The following COL19A1 variants were observed in gnomAD, a reference collection of about 807,000 sequenced individuals.
COL19A1 encodes collagen alpha-1(XIX) chain.
A neutral mutation model predicts 190.2 loss-of-function variants in COL19A1; 159 were observed. The observed-to-expected ratio is 0.84, with a 90% CI of 0.73 to 0.95. The LOEUF (loss-of-function observed/expected upper bound fraction) is 0.95. Ranked by LOEUF, COL19A1 falls within the 40% of genes least tolerant of loss-of-function variation. The probability of loss-of-function intolerance (pLI) is 0.00; values close to 1 mark genes in which losing one functional copy is unlikely to be tolerated. For missense variants in COL19A1, 1,418 were observed against 1,431.9 expected, an observed-to-expected ratio of 0.99 and a Z score of 0.16; for synonymous variants, 509 against 458.9, an observed-to-expected ratio of 1.11 and a Z score of -1.39.
intron 11 of COL19A1, among the ~76,000 whole-genome samples, chr6:69,999,676 A>G (rs1290839758): frequency 6.6e-6 from 1 of 152,198 alleles, no homozygotes; most frequent in African/African-American, 2.4e-5. Context: ...GGGTCAATAT[A>G]AAGCATTCTA....
chr6:69,976,420 C>A (rs1308497564), intron 11 of COL19A1, among the ~76,000 whole-genome samples: 1 of 151,990 alleles, frequency 6.6e-6, no homozygotes, highest in Non-Finnish European at 1.5e-5. Flanking sequence ...CATTTAGGAC[C>A]CATTTTTTAC....
chr6:69,957,101 T>C (rs1774467707), intron 9 of COL19A1, among the ~76,000 whole-genome samples: 1 of 152,104 alleles, frequency 6.6e-6, no homozygotes, highest in South Asian at 2.1e-4. Flanking sequence ...CTAGGGAATG[T>C]GATTTTTTTT....
At chr6:70,053,871 C>T (rs1780350798) in intron 14 of COL19A1, among the ~76,000 whole-genome samples, 1 of 152,054 alleles carries the variant, frequency 6.6e-6, no homozygotes, top group Admixed American at 6.5e-5. Context: ...ATTGTTAATT[C>T]TTAATTCATA....
chr6:69,871,650 C>T (rs1477935619), intron 1 of COL19A1, among the ~76,000 whole-genome samples: 1 of 151,982 alleles, frequency 6.6e-6, no homozygotes, highest in Non-Finnish European at 1.5e-5. Flanking sequence ...ACACTCTGAC[C>T]TTTTACCTAA....
chr6:70,190,500 C>A, intron 48 of COL19A1, 119 bp downstream of exon 48: 3 of 670,606 alleles, frequency 4.5e-6, no homozygotes, highest in South Asian at 3.8e-5. Flanking sequence ...CCTTAAGGGG[C>A]AGCCCATTTT....
At chr6:69,948,278 C>T (rs1386913836) in intron 9 of COL19A1, among the ~76,000 whole-genome samples, 6 of 151,800 alleles carry the variant, frequency 4.0e-5, no homozygotes, top group East Asian at 1.9e-4. Context: ...TGGGATGTAA[C>T]GTGAGACTTA....
chr6:69,938,560 G>A (rs1773259801), intron 9 of COL19A1, among the ~76,000 whole-genome samples: 1 of 151,826 alleles, frequency 6.6e-6, no homozygotes, highest in Non-Finnish European at 1.5e-5. Context: ...GCTTGGTGTT[G>A]TAGAGCACAT....
At chr6:69,897,961 GATAC>G (rs2149969856) in intron 2 of COL19A1, among the ~76,000 whole-genome samples, 2 of 152,200 alleles carry the variant, frequency 1.3e-5, no homozygotes, top group South Asian at 4.1e-4. Flanking sequence ...ATATTAAGAT[GATAC>G]CCTCTCACCA....
intron 7 of COL19A1, 56 bp downstream of exon 7, chr6:69,932,919 G>A: frequency 8.2e-7 from 1 of 1,216,456 alleles, no homozygotes; most frequent in Non-Finnish European, 1.2e-6. Context: ...TCTTTTAGTG[G>A]CATAGTTTGT....
chr6:69,937,989 G>C, intron 8 of COL19A1, 49 bp from the exon 9 acceptor site: 1 of 1,575,936 alleles, frequency 6.3e-7, no homozygotes, highest in Non-Finnish European at 8.7e-7. Context: ...TTTGGCTTTA[G>C]ATCAATGTGA....
chr6:70,185,051 T>A (rs1223273804), intron 46 of COL19A1, 136 bp downstream of exon 46: 4 of 738,134 alleles, frequency 5.4e-6, no homozygotes, highest in Non-Finnish European at 4.2e-6. Flanking sequence ...CGATCAAAGA[T>A]CTCTACCAGA....
intron 17 of COL19A1, among the ~76,000 whole-genome samples, chr6:70,123,521 T>C (rs9454978): frequency 0.71 from 93,300 of 132,324 alleles, 33,837 homozygotes; most frequent in African/African-American, 0.86. Context: ...ATGTTTATTG[T>C]GGCATTATTC....
At chr6:70,118,504 G>A (rs957070972) in intron 16 of COL19A1, among the ~76,000 whole-genome samples, 5 of 152,118 alleles carry the variant, frequency 3.3e-5, no homozygotes, top group Non-Finnish European at 5.9e-5. Context: ...TGCCTGCAGG[G>A]TAGACGGTTG....
intron 2 of COL19A1, among the ~76,000 whole-genome samples, chr6:69,881,054 G>T (rs1295510053): frequency 6.6e-6 from 1 of 152,124 alleles, no homozygotes; most frequent in Non-Finnish European, 1.5e-5. Flanking sequence ...CTAAATAAAT[G>T]GTTCTCCAAT....
chr6:70,153,712 C>T (rs75125433), intron 31 of COL19A1, among the ~76,000 whole-genome samples: 12 of 149,692 alleles, frequency 8.0e-5, no homozygotes, highest in Admixed American at 1.3e-4. Context: ...TTATCTTTTT[C>T]ATACTTTTTG....
chr6:70,021,355 C>T (rs1276399340), intron 11 of COL19A1, among the ~76,000 whole-genome samples: 1 of 149,726 alleles, frequency 6.7e-6, no homozygotes, highest in Non-Finnish European at 1.5e-5. Flanking sequence ...TTTCCTTGTA[C>T]ACACACATCT....
chr6:70,131,205 A>T lies in COL19A1; in HGVS notation c.1383+982A>T, dbSNP rs145626836. 2.1e-4 allele frequency: 55 copies of T among 265,226 alleles called. 1 individual carries two copies. The East Asian group carries it at 6.1e-3, about 29-fold the overall frequency. 16.4% of individuals were successfully genotyped at this position (265,226 alleles called of 1,614,324 possible). A position where few individuals can be genotyped will look rare whatever the true frequency, so the allele number is the denominator to read the frequency against. On this transcript the variant is annotated intron_variant, in intron 18 of 50. Coordinates refer to ENST00000620364, the MANE Select transcript of COL19A1 (RefSeq NM_001858.6). ...ATGCACATTAAATCTACAGGCAGAGATGAGTAGTTTGAAAATACTCTGAGG... is the reference window on the plus strand; with the variant it reads ...ATGCACATTAAATCTACAGGCAGAGTTGAGTAGTTTGAAAATACTCTGAGG...
At chr6:70,185,042 G>A (rs906762795) in intron 46 of COL19A1, 127 bp downstream of exon 46, 101 of 773,418 alleles carry the variant, frequency 1.3e-4, no homozygotes, top group Non-Finnish European at 1.7e-4. Context: ...GGGTGTAGGC[G>A]ATCAAAGATC....
At chr6:69,882,108 A>G (rs1281474541) in intron 2 of COL19A1, among the ~76,000 whole-genome samples, 1 of 152,220 alleles carries the variant, frequency 6.6e-6, no homozygotes, top group Non-Finnish European at 1.5e-5. Context: ...ACAGTTTACT[A>G]TTAAACCTAA....
Sources: allele counts gnomAD v4.1 joint callset (sites outside exome capture counted in the v4.1 genomes callset), GRCh38; gene constraint gnomAD v4.1.1; transcripts MANE v1.5; gene names NCBI Gene and HGNC (gene_info 2026-07-23, HGNC 2026-07-21).